The following PKIB variants were observed in gnomAD, a reference collection of about 807,000 sequenced individuals.
PKIB encodes PKI-beta.
A neutral mutation model predicts 4.5 loss-of-function variants in PKIB; 2 were observed. The observed-to-expected ratio is 0.44, with a 90% confidence interval of 0.18 to 1.39. The LOEUF (loss-of-function observed/expected upper bound fraction) is 1.39, where lower values mean the gene tolerates loss of function less well. Ranked by LOEUF, PKIB falls within the 40% of genes most tolerant of loss-of-function variation. PKIB has a pLI of 0.27. For synonymous variants in PKIB, 38 were observed against 36.0 expected (o/e 1.06, Z -0.20); for missense variants, 94 against 92.6 (o/e 1.02, Z -0.06).
chr6:122,691,240 A>G (rs1778342936), intron 3 of PKIB, among the ~76,000 whole-genome samples: 1 of 152,044 alleles, frequency 6.6e-6, no homozygotes, highest in African/African-American at 2.4e-5. Flanking sequence ...TTTAGGTTTG[A>G]GAAATTTTCA....
At chr6:122,696,074 A>G (rs1480598729) in intron 3 of PKIB, among the ~76,000 whole-genome samples, 2 of 152,170 alleles carry the variant, frequency 1.3e-5, no homozygotes, top group Non-Finnish European at 2.9e-5. Flanking sequence ...AAGGTGGTTC[A>G]CTGAGGGATG....
intron 3 of PKIB, among the ~76,000 whole-genome samples, chr6:122,587,227 C>T (rs946325324): frequency 1.7e-4 from 26 of 152,164 alleles, no homozygotes; most frequent in South Asian, 4.1e-4. Context: ...CTTCCTGTGT[C>T]CATGTGTTCT....
intron 2 of PKIB, among the ~76,000 whole-genome samples, chr6:122,540,275 G>A (rs1394187073): frequency 2.0e-5 from 3 of 151,516 alleles, no homozygotes; most frequent in Non-Finnish European, 4.4e-5. Flanking sequence ...GTGATGTTAG[G>A]GTGTCAATTC....
chr6:122,608,459 T>C (rs1464285168), upstream of PKIB, among the ~76,000 whole-genome samples: 1 of 152,248 alleles, frequency 6.6e-6, no homozygotes, highest in Non-Finnish European at 1.5e-5. Context: ...AGGTCGTGTC[T>C]AACATTTGCA....
intron 2 of PKIB, among the ~76,000 whole-genome samples, chr6:122,487,753 C>G (rs1775811721): frequency 6.6e-6 from 1 of 152,136 alleles, no homozygotes. Context: ...ATGTGAGAAA[C>G]AAATTTCTGT....
chr6:122,496,463 T>C (rs182510630), intron 2 of PKIB, among the ~76,000 whole-genome samples: 32 of 152,214 alleles, frequency 2.1e-4, no homozygotes, highest in African/African-American at 7.7e-4. Flanking sequence ...CAACACAAGA[T>C]TTAAAATCAA....
chr6:122,621,838 G>A (rs1334602274), intron 1 of PKIB, among the ~76,000 whole-genome samples: 1 of 152,186 alleles, frequency 6.6e-6, no homozygotes, highest in Non-Finnish European at 1.5e-5. Context: ...GAAAGCCCAT[G>A]TCCCTCAGAG....
At chr6:122,612,374 C>A (rs1774795737) in intron 1 of PKIB, among the ~76,000 whole-genome samples, 1 of 151,924 alleles carries the variant, frequency 6.6e-6, no homozygotes, top group African/African-American at 2.4e-5. Flanking sequence ...TTAGAACATT[C>A]CAAAATTGTA....
At chr6:122,555,330 GT>G (rs1016575166) in intron 2 of PKIB, among the ~76,000 whole-genome samples, 2 of 152,214 alleles carry the variant, frequency 1.3e-5, no homozygotes, top group African/African-American at 4.8e-5. Flanking sequence ...TCTAGGAAAC[GT>G]GAGGAATCCA....
intron 3 of PKIB, among the ~76,000 whole-genome samples, chr6:122,683,029 T>TC (rs1337741168): frequency 6.6e-6 from 1 of 152,178 alleles, no homozygotes; most frequent in African/African-American, 2.4e-5. Context: ...AGGTGTCTGC[T>TC]CATCTCCCAC....
chr6:122,528,166 T>A lies in PKIB; in HGVS notation c.-248+50227T>A, dbSNP rs568772968. On this transcript the variant is annotated intron_variant, in intron 2 of 6. Transcript: ENST00000392491. ...ATAACAGTTTTTGATTTGAAGGCTG[T>A]TTTGTCTACTATACCAATATTAGGC... 3.9e-5 allele frequency among the ~76,000 whole-genome samples: 6 copies of A among 152,344 alleles called. No homozygotes were observed. In the South Asian group the frequency reaches 1.2e-3, roughly 32 times the overall value.
intron 3 of PKIB, among the ~76,000 whole-genome samples, chr6:122,675,485 T>C (rs915357569): frequency 2.6e-5 from 4 of 152,146 alleles, no homozygotes; most frequent in African/African-American, 9.7e-5. Flanking sequence ...GTCACATCAA[T>C]GAGAAGGAAG....
chr6:122,517,774 A>G (rs1471146284), intron 2 of PKIB, among the ~76,000 whole-genome samples: 3 of 152,244 alleles, frequency 2.0e-5, no homozygotes, highest in African/African-American at 4.8e-5. Flanking sequence ...TACAAAATAC[A>G]GTAATTCTTG....
At chr6:122,721,412 C>T (rs887201912) in intron 4 of PKIB, among the ~76,000 whole-genome samples, 3 of 152,170 alleles carry the variant, frequency 2.0e-5, no homozygotes, top group South Asian at 4.1e-4. Context: ...TTACACTTCT[C>T]GGAATGTTTC....
chr6:122,611,040 C>T (rs905167523), intron 1 of PKIB, among the ~76,000 whole-genome samples: 1 of 152,240 alleles, frequency 6.6e-6, no homozygotes, highest in Non-Finnish European at 1.5e-5. Context: ...TGGCCTCCGT[C>T]CATTCTTTGG....
intron 4 of PKIB, among the ~76,000 whole-genome samples, chr6:122,721,932 G>A (rs193191434): frequency 1.4e-4 from 22 of 152,162 alleles, no homozygotes; most frequent in Non-Finnish European, 2.2e-4. Context: ...TCAAAAAAGT[G>A]AGATAAGTAA....
At chr6:122,683,587 C>G (rs919709042) in intron 3 of PKIB, among the ~76,000 whole-genome samples, 1 of 152,132 alleles carries the variant, frequency 6.6e-6, no homozygotes, top group East Asian at 1.9e-4. Context: ...GAAATCACAT[C>G]AATAAGGAAC....
chr6:122,661,354 C>T lies in PKIB; in HGVS notation c.-75-13724C>T, dbSNP rs188377558. 2.0e-3 allele frequency among the ~76,000 whole-genome samples: 299 copies of T among 152,244 alleles called. 1 individual carries two copies. Among genetic ancestry groups the T allele is most frequent in the African/African-American group, 7.0e-3 (289 of 41,536 alleles). On this transcript the variant is annotated intron_variant, in intron 2 of 4. Transcript: ENST00000368452. ...AAACATTAGTTGTGACTCCCTATTTCCCCCAAAGCCTAGGGACTCCCTCTC... is the reference window on the plus strand; with the variant it reads ...AAACATTAGTTGTGACTCCCTATTTTCCCCAAAGCCTAGGGACTCCCTCTC...
At chr6:122,667,321 G>A (rs1447357736) in intron 2 of PKIB, among the ~76,000 whole-genome samples, 3 of 152,106 alleles carry the variant, frequency 2.0e-5, no homozygotes, top group Non-Finnish European at 2.9e-5. Flanking sequence ...CACTTTGGGA[G>A]GCCGAGGAGA....
Sources: gnomAD v4.1 joint callset for allele counts (sites outside exome capture counted in the v4.1 genomes callset) on GRCh38, gnomAD v4.1.1 for gene constraint, MANE v1.5 for transcripts, NCBI Gene and HGNC (gene_info 2026-07-23, HGNC 2026-07-21) for gene names.